The following IL1RAPL2 variants were observed in gnomAD, a reference collection of about 807,000 sequenced individuals.
IL1RAPL2 encodes interleukin 1 receptor accessory protein like 2.
A neutral mutation model predicts 44.1 loss-of-function variants in IL1RAPL2; 3 were observed. That is an observed-to-expected ratio of 0.07 (90% CI 0.03 to 0.18). The LOEUF (loss-of-function observed/expected upper bound fraction) is 0.18. IL1RAPL2 is among the 10% of genes least tolerant of loss of function. The pLI, the probability that IL1RAPL2 is intolerant of heterozygous loss-of-function variation, is 1.00. For missense variants in IL1RAPL2, 391 were observed against 496.4 expected (o/e 0.79, Z 2.02); for synonymous variants, 181 against 178.8 (o/e 1.01, Z -0.10).
At chrX:104,774,858 G>A (rs926302) in intron 2 of IL1RAPL2, among the ~76,000 whole-genome samples, 40,733 of 111,325 alleles carry the variant, frequency 0.37, 5,828 homozygotes, top group East Asian at 0.46. Flanking sequence ...TTACTAAGAT[G>A]TGTGGTGTAG....
chrX:104,575,429 TAG>T (rs1928226821), intron 1 of IL1RAPL2, among the ~76,000 whole-genome samples: 1 of 111,610 alleles, frequency 9.0e-6, no homozygotes, highest in Admixed American at 9.6e-5. Flanking sequence ...TATAAATATA[TAG>T]AGTTATTGAA....
intron 7 of IL1RAPL2, among the ~76,000 whole-genome samples, chrX:105,738,755 G>A (rs753838567): frequency 8.2e-5 from 9 of 110,361 alleles, no homozygotes; most frequent in Non-Finnish European, 1.3e-4. Context: ...AACAGGAGGC[G>A]CACTCTTCAG....
intron 6 of IL1RAPL2, among the ~76,000 whole-genome samples, chrX:105,501,561 C>T (rs2036395298): frequency 9.0e-6 from 1 of 110,704 alleles, no homozygotes; most frequent in African/African-American, 3.3e-5. Flanking sequence ...GAGGTCAAGG[C>T]TGCAGTGACC....
intron 6 of IL1RAPL2, among the ~76,000 whole-genome samples, chrX:105,697,340 A>G (rs992514023): frequency 1.8e-5 from 2 of 110,502 alleles, no homozygotes. Context: ...AAGGAAGGCA[A>G]AGTTCTTGGT....
intron 2 of IL1RAPL2, among the ~76,000 whole-genome samples, chrX:105,043,076 TGTG>T (rs1384690496): frequency 2.0e-5 from 1 of 51,011 alleles, no homozygotes; most frequent in Non-Finnish European, 3.3e-5. Context: ...TGGGGACTGT[TGTG>T]GGGTGGGGGG....
At chrX:105,289,127 A>G (rs1429589740) in intron 5 of IL1RAPL2, among the ~76,000 whole-genome samples, 1 of 111,108 alleles carries the variant, frequency 9.0e-6, no homozygotes, top group African/African-American at 3.3e-5. Flanking sequence ...GTATATAGGA[A>G]TGGGCTCAGG....
intron 5 of IL1RAPL2, among the ~76,000 whole-genome samples, chrX:105,383,191 A>C (rs980846626): frequency 2.7e-5 from 3 of 110,394 alleles, no homozygotes; most frequent in African/African-American, 9.8e-5. Flanking sequence ...TGTACCAAAC[A>C]CTAGATCTTA....
At chrX:105,761,602 A>G (rs966436718) in intron 10 of IL1RAPL2, among the ~76,000 whole-genome samples, 20 of 111,803 alleles carry the variant, frequency 1.8e-4, no homozygotes, top group African/African-American at 6.5e-4. Flanking sequence ...TATAGGTTTT[A>G]TAAATATTGT....
chrX:105,134,810 T>G (rs2033061426), intron 2 of IL1RAPL2, among the ~76,000 whole-genome samples: 1 of 111,351 alleles, frequency 9.0e-6, no homozygotes, highest in Non-Finnish European at 1.9e-5. Context: ...TTGTACCTAA[T>G]CTCAGAGTCT....
chrX:104,582,594 CTTTT>C, intron 1 of IL1RAPL2, among the ~76,000 whole-genome samples: 1 of 71,150 alleles, frequency 1.4e-5, no homozygotes, highest in Non-Finnish European at 2.6e-5. Flanking sequence ...TTCTTTCTTT[CTTTT>C]TCTTTCTTTC....
chrX:105,033,566 G>T (rs1007163498), intron 2 of IL1RAPL2, among the ~76,000 whole-genome samples: 1 of 111,826 alleles, frequency 8.9e-6, no homozygotes, highest in African/African-American at 3.3e-5. Context: ...CTCTCTTCTG[G>T]CTTGTAGAGT....
chrX:105,261,262 C>T (rs748935336), intron 4 of IL1RAPL2, among the ~76,000 whole-genome samples: 1 of 111,947 alleles, frequency 8.9e-6, no homozygotes, highest in East Asian at 2.8e-4. Context: ...CCAGGTGGGC[C>T]GTCATCCTGT....
intron 1 of IL1RAPL2, among the ~76,000 whole-genome samples, chrX:104,645,844 A>G (rs1292132806): frequency 8.9e-6 from 1 of 112,649 alleles, no homozygotes; most frequent in Non-Finnish European, 1.9e-5. Flanking sequence ...TAAAACTGTT[A>G]GAATGATATA....
chrX:105,519,615 T>C (rs2036541034), intron 6 of IL1RAPL2, among the ~76,000 whole-genome samples: 1 of 111,143 alleles, frequency 9.0e-6, no homozygotes, highest in African/African-American at 3.3e-5. Context: ...GAATCTCCTG[T>C]AATGAGCAAT....
intron 2 of IL1RAPL2, among the ~76,000 whole-genome samples, chrX:104,983,704 A>G (rs1255877473): frequency 2.0e-5 from 2 of 101,596 alleles, no homozygotes; most frequent in African/African-American, 3.5e-5. Flanking sequence ...ATAATATTAT[A>G]TACATAATAT....
At chrX:104,946,349 T>C (rs1446895287) in intron 2 of IL1RAPL2, among the ~76,000 whole-genome samples, 1 of 61,917 alleles carries the variant, frequency 1.6e-5, no homozygotes, top group Non-Finnish European at 2.7e-5. Context: ...GTCCGCAGTC[T>C]GGCCTGGGCG....
At chrX:105,524,615 TG>T (rs1569450567) in intron 6 of IL1RAPL2, among the ~76,000 whole-genome samples, 1 of 110,998 alleles carries the variant, frequency 9.0e-6, no homozygotes, top group African/African-American at 3.3e-5. Flanking sequence ...ACAGTGAAGA[TG>T]TTTTTTTGAG....
intron 2 of IL1RAPL2, among the ~76,000 whole-genome samples, chrX:104,730,979 A>G (rs1406803634): frequency 9.0e-6 from 1 of 111,010 alleles, no homozygotes; most frequent in African/African-American, 3.3e-5. Flanking sequence ...GCCAGTGATG[A>G]TGAGCATTTT....
intron 6 of IL1RAPL2, among the ~76,000 whole-genome samples, chrX:105,711,386 G>GGA (rs2038209295): frequency 9.0e-6 from 1 of 110,703 alleles, no homozygotes; most frequent in Non-Finnish European, 1.9e-5. Flanking sequence ...CCTTTTACTA[G>GGA]GAGTCCACTC....
Sources: gnomAD v4.1 joint callset for allele counts (sites outside exome capture counted in the v4.1 genomes callset) on GRCh38, gnomAD v4.1.1 for gene constraint, MANE v1.5 for transcripts, NCBI Gene and HGNC (gene_info 2026-07-23, HGNC 2026-07-21) for gene names.